SPATA31G1: variants seen among roughly 807,000 people sequenced by gnomAD.
The protein encoded by SPATA31G1 is spermatogenesis-associated protein 31G1.
At chr9:35,042,436 G>A in the SPATA31G1 span, 8 of 1,614,248 alleles carry the variant, frequency 5.0e-6, no homozygotes, top group Non-Finnish European at 6.8e-6. Context: ...CAGCTTGGGA[G>A]GTTGCGACAG....
chr9:35,042,299 G>A, the SPATA31G1 span: 34,554 of 1,614,180 alleles, frequency 0.021, 468 homozygotes, highest in Non-Finnish European at 0.025. Flanking sequence ...AGGGGGATAT[G>A]GGGCTTCTCT....
chr9:35,045,922 A>T, the SPATA31G1 span: 1 of 1,515,610 alleles, frequency 6.6e-7, no homozygotes, highest in Non-Finnish European at 8.8e-7. Context: ...AAGCCAAACC[A>T]GGGGGAAGGT....
At chr9:35,042,840 A>C in the SPATA31G1 span, 1 of 1,603,134 alleles carries the variant, frequency 6.2e-7, no homozygotes, top group Non-Finnish European at 8.5e-7. Context: ...ATGCCTGAGA[A>C]TATCTTTATC....
the SPATA31G1 span, chr9:35,044,196 A>T: frequency 1.2e-6 from 2 of 1,613,842 alleles, no homozygotes; most frequent in Admixed American, 3.3e-5. Context: ...ACCTCCAACC[A>T]CCCTTATGGA....
At chr9:35,043,012 C>T in the SPATA31G1 span, 1 of 1,614,172 alleles carries the variant, frequency 6.2e-7, no homozygotes, top group Non-Finnish European at 8.5e-7. Context: ...GAAGCTCCCA[C>T]TGGAGAGCAA....
chr9:35,044,307 C>A, the SPATA31G1 span: 1 of 1,614,168 alleles, frequency 6.2e-7, no homozygotes, highest in Admixed American at 1.7e-5. Context: ...GTCTCCATCT[C>A]TGGCCCTCAG....
the SPATA31G1 span, chr9:35,044,068 T>C: frequency 1.2e-6 from 2 of 1,614,080 alleles, no homozygotes; most frequent in East Asian, 2.2e-5. Context: ...GTCCCTCTCC[T>C]GGAGTCTCTA....
the SPATA31G1 span, chr9:35,043,172 G>A: frequency 3.1e-6 from 5 of 1,614,208 alleles, no homozygotes; most frequent in East Asian, 2.2e-5. Context: ...TGAGGCACAA[G>A]ATAGCATCAG....
the SPATA31G1 span, chr9:35,042,275 C>T: frequency 6.2e-7 from 1 of 1,614,072 alleles, no homozygotes; most frequent in Non-Finnish European, 8.5e-7. Flanking sequence ...TGCTGGAGGA[C>T]CTGCTTGGGG....
At chr9:35,044,362 T>C in the SPATA31G1 span, 7 of 1,613,888 alleles carry the variant, frequency 4.3e-6, no homozygotes, top group Admixed American at 3.3e-5. Flanking sequence ...GTTAGATCCA[T>C]GGGGGTCCTG....
At chr9:35,045,858 T>C in the SPATA31G1 span, 3 of 1,603,956 alleles carry the variant, frequency 1.9e-6, no homozygotes, top group South Asian at 3.3e-5. Flanking sequence ...ACCCACCAAA[T>C]CTAGTCAGTA....
the SPATA31G1 span, chr9:35,042,601 G>A: frequency 1.3e-6 from 2 of 1,488,758 alleles, no homozygotes; most frequent in Non-Finnish European, 1.8e-6. Context: ...GAGGCTGGGT[G>A]AGTAACCACT....
the SPATA31G1 span, chr9:35,044,949 AC>A: frequency 6.2e-7 from 1 of 1,614,132 alleles, no homozygotes; most frequent in South Asian, 1.1e-5. Flanking sequence ...AGAGTTGCTC[AC>A]CCATCCTGGG....
chr9:35,045,027 T>G, the SPATA31G1 span: 23 of 1,614,058 alleles, frequency 1.4e-5, no homozygotes, highest in Non-Finnish European at 1.8e-5. Context: ...GAGCCCTGCC[T>G]CCAGAGCCCC....
At chr9:35,045,002 G>C in the SPATA31G1 span, 1 of 1,614,202 alleles carries the variant, frequency 6.2e-7, no homozygotes, top group South Asian at 1.1e-5. Context: ...AACTCAGGCT[G>C]AAGAAACTGC....
chr9:35,044,833 T>G, the SPATA31G1 span: 1 of 1,614,120 alleles, frequency 6.2e-7, no homozygotes, highest in African/African-American at 1.3e-5. Flanking sequence ...CCTCCCACCC[T>G]AGCTGAAGCT....
chr9:35,045,107 T>C, the SPATA31G1 span: 1 of 1,614,160 alleles, frequency 6.2e-7, no homozygotes, highest in Non-Finnish European at 8.5e-7. Context: ...GGGGACTCCC[T>C]TCCTGCCCAC....
the SPATA31G1 span, chr9:35,044,241 A>G: frequency 1.2e-6 from 2 of 1,614,190 alleles, no homozygotes; most frequent in Non-Finnish European, 1.7e-6. Context: ...ATGCCTCGCT[A>G]CATCAGAAGC....
At chr9:35,045,502 G>T in the SPATA31G1 span, 2 of 1,614,146 alleles carry the variant, frequency 1.2e-6, no homozygotes, top group South Asian at 1.1e-5. Context: ...GACCATAGAA[G>T]AGGGACTGCA....
Sources: allele counts gnomAD v4.1 joint callset, GRCh38; gene constraint gnomAD v4.1.1; transcripts MANE v1.5; gene names NCBI Gene and HGNC (gene_info 2026-07-23, HGNC 2026-07-21).